The following ERI2 variants were observed in gnomAD, a reference collection of about 807,000 sequenced individuals.
ERI2 encodes ERI1 exoribonuclease 2.
Under a neutral mutation model 46.8 loss-of-function variants are expected in ERI2, and 35 were observed. The observed-to-expected ratio is 0.75, with a 90% CI of 0.57 to 0.99. The LOEUF (loss-of-function observed/expected upper bound fraction) is 0.99. ERI2 is among the 50% of genes least tolerant of loss of function. The pLI is 0.00. For synonymous variants in ERI2, 224 were observed against 271.0 expected, an observed-to-expected ratio of 0.83 and a Z score of 1.70; for missense variants, 695 against 796.2, an observed-to-expected ratio of 0.87 and a Z score of 1.53.
chr16:20,798,369 CTT>C lies in ERI2; in HGVS notation c.1429_1430del (p.Lys477GlufsTer8), dbSNP rs968681593. On this transcript the variant is annotated frameshift_variant, in exon 9 of 9. Transcript: ENST00000357967. LOFTEE classifies it high-confidence loss of function. ...KSETSKSIVY[K>X]SPHTTIYNVK... Reference sequence around the variant, plus strand: ...CATTATAAATAGTAGTGTGAGGACTCTTGTACACAATAGACTTAGAAGTCTCA... The same window carrying C: ...CATTATAAATAGTAGTGTGAGGACTCGTACACAATAGACTTAGAAGTCTCA... 1.1e-4 allele frequency: 176 copies of C among 1,551,394 alleles called. 2 individuals carry two copies. The Middle Eastern group carries it at 1.5e-3, about 13-fold the overall frequency.
chr16:20,795,734 A>C (rs2080709593), downstream of ERI2, among the ~76,000 whole-genome samples: 2 of 152,228 alleles, frequency 1.3e-5, no homozygotes, highest in Admixed American at 1.3e-4. Flanking sequence ...CCTCTAGGGA[A>C]GGCAGTAAAT....
intron 6 of ERI2, 127 bp downstream of exon 6, chr16:20,800,174 GA>G (rs759776041): frequency 3.6e-6 from 3 of 842,818 alleles, no homozygotes; most frequent in Non-Finnish European, 5.6e-6. Context: ...AATACTTTAA[GA>G]AATGCATTTA....
At chr16:20,795,833 T>C (rs2080712165), downstream of ERI2, among the ~76,000 whole-genome samples, 1 of 152,240 alleles carries the variant, frequency 6.6e-6, no homozygotes, top group South Asian at 2.1e-4. Flanking sequence ...TATCTTTCTG[T>C]CTTCTCCATT....
rs574695740 is a variant in ERI2 at position 20,797,088 on chromosome 16, A to C, written c.*636T>G. On this transcript the variant is annotated 3_prime_UTR_variant, in exon 9 of 9. Transcript: ENST00000357967. ...GTGGTAGTATGCTTAGAAACTGTTG[A>C]TTTAAAATATCTTGTGGTTATGATA... The C allele has an allele frequency of 1.4e-6, 2 of 1,423,292 alleles. No homozygotes were observed. The highest frequency in any genetic ancestry group is 5.5e-5 in the East Asian group (2 of 36,618). The allele number at this position is 1,423,292 out of a possible 1,614,324, so 88.2% of individuals were successfully genotyped here.
In ERI2 at chr16:20,797,887, T is replaced by C. The variant is rs374218334; in HGVS notation, c.1913A>G (p.Lys638Arg). The C allele has an allele frequency of 4.5e-6, 7 of 1,551,568 alleles. No homozygotes were observed. The Middle Eastern group carries it at 5.0e-4, about 111-fold the overall frequency. Reference protein sequence around the residue: ...QENRKCCGYFKWEQTLQKERA... With the variant: ...QENRKCCGYFRWEQTLQKERA... The stretch of plus-strand genomic sequence containing the variant: ...TTCCTTTTGAAGTGTTTGTTCCCAT[T>C]TGAAATAACCACAACATTTTCTGTT... Residue 638 changes from lysine to arginine, a missense_variant, in exon 9 of 9, where the codon AAA becomes AGA. Physicochemically the swap from Lys to Arg is conservative, Grantham distance 26. Transcript: ENST00000357967.
At chr16:20,806,209 T>G in intron 1 of ERI2, 199 bp downstream of exon 1, 2 of 1,397,460 alleles carry the variant, frequency 1.4e-6, no homozygotes, top group Non-Finnish European at 1.9e-6. Context: ...CACCCTCGGG[T>G]AGAAGGTGGC....
chr16:20,798,598 C>A lies in ERI2; in HGVS notation c.1202G>T (p.Cys401Phe). 6.4e-7 allele frequency: 1 copy of A among 1,551,628 alleles called. No homozygotes were observed. Among genetic ancestry groups the A allele is most frequent in the African/African-American group, 1.4e-5 (1 of 73,176 alleles). ...CTCCCAATCAGCCAACACAGGTAAA[C>A]AGTCCAGAGTAGAGCTCATTTCCAA... ...SDLEMSSTLD[C>F]LPVLADWEDV... is the part of the protein sequence containing the mutation. The change falls in exon 9 of 9, where the codon TGT becomes TTT. Residue 401 changes from cysteine (C) to phenylalanine (F), a missense_variant. Cys to Phe is a radical substitution (Grantham distance 205). Coordinates refer to ENST00000357967, the MANE Select transcript of ERI2 (RefSeq NM_001142725.2).
intron 4 of ERI2, 38 bp downstream of exon 4, chr16:20,802,758 T>G (rs1410788916): frequency 1.3e-6 from 2 of 1,576,602 alleles, no homozygotes; most frequent in Non-Finnish European, 1.7e-6. Context: ...TATTTTCTTT[T>G]TGAAACTGAC....
chr16:20,806,289 C>A, intron 1 of ERI2, 119 bp downstream of exon 1: 1 of 1,464,326 alleles, frequency 6.8e-7, no homozygotes, highest in South Asian at 1.3e-5. Context: ...TCGCAGACGC[C>A]GGGGCTGCGG....
chr16:20,805,830 G>C (rs946519673), intron 1 of ERI2: 2 of 404,702 alleles, frequency 4.9e-6, no homozygotes, highest in African/African-American at 4.3e-5. Context: ...GTGAGGTCCC[G>C]TTCCAGCCAA....
At chr16:20,801,521 T>G (rs1208563244) in intron 4 of ERI2, among the ~76,000 whole-genome samples, 162 bp from the exon 5 acceptor site, 1 of 152,172 alleles carries the variant, frequency 6.6e-6, no homozygotes, top group East Asian at 1.9e-4. Flanking sequence ...TGGTTCTAAC[T>G]GGCAAAGAGT....
chr16:20,806,136 G>A (rs2080866749), intron 1 of ERI2: 3 of 1,350,950 alleles, frequency 2.2e-6, no homozygotes, highest in Non-Finnish European at 2.8e-6. Flanking sequence ...GCCTAAAATA[G>A]GCAGGCACTG....
rs941731547 is a variant in ERI2, at chr16:20,798,834, G to T, written c.966C>A (p.His322Gln). The change falls in exon 9 of 9, where the codon CAC becomes CAA. Residue 322 changes from histidine to glutamine, a missense_variant. Coordinates refer to ENST00000357967, the MANE Select transcript of ERI2 (RefSeq NM_001142725.2). ...QVKNNIKASL[H>Q]NVKSSLPLFN... ...AAAGAGGTAAGGAACTTTTGACATT[G>T]TGAAGACTTGCTTTTATATTGTTTT... 31 of 1,551,128 alleles carry T rather than the reference G, an allele frequency of 2.0e-5. No individual in the cohort carries two copies. The highest frequency in any genetic ancestry group is 2.4e-5 in the Non-Finnish European group (28 of 1,146,816).
chr16:20,800,503 T>C (rs550676267), intron 5 of ERI2, 101 bp from the exon 6 acceptor site: 28 of 634,642 alleles, frequency 4.4e-5, no homozygotes, highest in Non-Finnish European at 6.8e-5. Flanking sequence ...TCATATAAAA[T>C]AGAACAGTAT....
rs1461884313 is a variant in ERI2, at chr16:20,797,909, T to C, written c.1891A>G (p.Arg631Gly). The change falls in exon 9 of 9, where the codon AGA becomes GGA. Residue 631 changes from arginine to glycine, a missense_variant. Physicochemically the swap from Arg to Gly is moderately radical, Grantham distance 125. Coordinates refer to ENST00000357967, the MANE Select transcript of ERI2 (RefSeq NM_001142725.2). ...CATTTGAAATAACCACAACATTTTC[T>C]GTTTTCTTGGTATTTCCCGATAGGG... is the stretch of plus-strand genomic sequence containing the variant. ...CCPIGKYQEN[R>G]KCCGYFKWEQ... is the part of the protein sequence containing the mutation. 2 of 1,551,772 alleles carry C rather than the reference T, an allele frequency of 1.3e-6. No homozygotes were observed. The highest frequency in any genetic ancestry group is 1.7e-6 in the Non-Finnish European group (2 of 1,146,962).
chr16:20,783,794 T>C (rs745799933), intron 10 of ERI2, among the ~76,000 whole-genome samples: 11 of 144,546 alleles, frequency 7.6e-5, no homozygotes, highest in Non-Finnish European at 1.0e-4. Context: ...CTGATACACA[T>C]GTGTTCTCCC....
chr16:20,799,033 C>G lies in ERI2; in HGVS notation c.767G>C (p.Arg256Thr). 3 of 1,521,164 alleles carry G rather than the reference C, an allele frequency of 2.0e-6. No individual in the cohort carries two copies. Among genetic ancestry groups the G allele is most frequent in the Non-Finnish European group, 2.6e-6 (3 of 1,137,598 alleles). The allele number at this position is 1,521,164 out of a possible 1,614,324, so 94.2% of individuals were successfully genotyped here. Reference protein sequence around the residue: ...PTKKNFSILARNLNTIQVEEM... With the variant: ...PTKKNFSILATNLNTIQVEEM... Reference sequence around the variant, plus strand: ...TTCAACTTGAATTGTATTCAAATTTCTGGCCAGAATGCTGAAATTCTTCTT... The same window carrying G: ...TTCAACTTGAATTGTATTCAAATTTGTGGCCAGAATGCTGAAATTCTTCTT... The change falls in exon 9 of 9, where the codon AGA becomes ACA. Residue 256 changes from arginine (R) to threonine (T), a missense_variant. Transcript: ENST00000357967.
intron 1 of ERI2, 39 bp from the exon 2 acceptor site, chr16:20,803,709 C>CA (rs2080819868): frequency 6.2e-7 from 1 of 1,603,700 alleles, no homozygotes; most frequent in Admixed American, 1.7e-5. Flanking sequence ...TCAATGAACT[C>CA]ATTCACACTC....
chr16:20,803,677 A>C lies in ERI2; in HGVS notation c.24-7T>G. On this transcript the variant is annotated splice_polypyrimidine_tract_variant and splice_region_variant and intron_variant, in intron 1 of 8. Transcript: ENST00000357967. ...CCTAATTAATCCAAGCTGCCTAAAA[A>C]TGTGAAGCAATCCAAATATGATCAA... The C allele has an allele frequency of 1.2e-6, 2 of 1,613,378 alleles. No homozygotes were observed. The highest frequency in any genetic ancestry group is 1.7e-6 in the Non-Finnish European group (2 of 1,179,658).
Sources: allele counts gnomAD v4.1 joint callset (sites outside exome capture counted in the v4.1 genomes callset), GRCh38; gene constraint gnomAD v4.1.1; transcripts MANE v1.5; gene names NCBI Gene and HGNC (gene_info 2026-07-23, HGNC 2026-07-21).